Variants in KNG1 observed in about 807,000 individuals in gnomAD.
KNG1 encodes kininogen-1.
KNG1 carries 23 observed loss-of-function variants against 47.8 expected under a neutral mutation model. The observed-to-expected ratio is 0.48, with a 90% CI of 0.35 to 0.68. The LOEUF (loss-of-function observed/expected upper bound fraction) is 0.68, where lower values mean the gene tolerates loss of function less well. Among genes scored for constraint, KNG1 ranks in the 30% least tolerant of loss-of-function variants. KNG1 has a pLI of 0.01. For synonymous variants in KNG1, 277 were observed against 277.0 expected (o/e 1.00, Z 0.00); for missense variants, 762 against 790.2 (o/e 0.96, Z 0.43).
At position 186,741,811 on chromosome 3, in the gene KNG1, G is replaced by C; in HGVS notation, c.1415G>C (p.Gly472Ala). The C allele has an allele frequency of 1.2e-6, 2 of 1,613,936 alleles. No homozygotes were observed. The highest frequency in any genetic ancestry group is 2.2e-5 in the South Asian group (2 of 91,048). Reference protein sequence around the residue: ...GHGHEQQHGLGHGHKFKLDDD... With the variant: ...GHGHEQQHGLAHGHKFKLDDD... Reference sequence around the variant, plus strand: ...GGACACGAACAACAGCATGGTCTTGGTCATGGACATAAGTTCAAACTTGAT... The same window carrying C: ...GGACACGAACAACAGCATGGTCTTGCTCATGGACATAAGTTCAAACTTGAT... The change falls in exon 10 of 10, where the codon GGT becomes GCT. Residue 472 changes from glycine (G) to alanine (A), a missense_variant. Coordinates refer to ENST00000644859, the MANE Select transcript of KNG1 (RefSeq NM_001102416.3).
At chr3:186,727,924 T>C (rs1323314944) in intron 5 of KNG1, among the ~76,000 whole-genome samples, 2 of 152,214 alleles carry the variant, frequency 1.3e-5, no homozygotes, top group African/African-American at 2.4e-5. Context: ...ATAAAATGCT[T>C]GAACGGTCAA....
Position 186,742,887 on chromosome 3 carries a change from GAAAAAAAGAA to G in KNG1, c.*568_*577del. The G allele has an allele frequency of 1.0e-6, 1 of 966,706 alleles. No individual in the cohort carries two copies. Among genetic ancestry groups the G allele is most frequent in the Non-Finnish European group, 1.2e-6 (1 of 814,744 alleles). The allele number at this position is 966,706 out of a possible 1,614,324, so 59.9% of individuals were successfully genotyped here. On this transcript the variant is annotated 3_prime_UTR_variant, in exon 10 of 10. Transcript: ENST00000644859. ...GGCATCAGAGCAAGATTCTGTCTCA[GAAAAAAAGAA>G]AAAAAAAGAAATAATAAGAAAAACT...
At chr3:186,729,529 A>G (rs886318829) in intron 5 of KNG1, among the ~76,000 whole-genome samples, 2 of 152,218 alleles carry the variant, frequency 1.3e-5, no homozygotes, top group African/African-American at 4.8e-5. Context: ...ACATGCTACA[A>G]TGTGGATGAA....
chr3:186,726,767 T>A (rs2108625085), intron 4 of KNG1, among the ~76,000 whole-genome samples: 3 of 152,314 alleles, frequency 2.0e-5, no homozygotes, highest in Middle Eastern at 6.8e-3. Context: ...AGGCCCAGAA[T>A]AAAGTAGAAG....
intron 3 of KNG1, among the ~76,000 whole-genome samples, chr3:186,724,845 C>G (rs552496994): frequency 6.6e-6 from 1 of 151,980 alleles, no homozygotes; most frequent in East Asian, 1.9e-4. Flanking sequence ...GGGACTATCA[C>G]ATTCAGCTAA....
chr3:186,739,256 T>C, intron 8 of KNG1, 50 bp downstream of exon 8: 2 of 1,583,954 alleles, frequency 1.3e-6, no homozygotes, highest in Non-Finnish European at 1.7e-6. Context: ...CTATTTGATG[T>C]TTTTAGAATC....
Position 186,742,646 on chromosome 3 carries a change from CAT to C in KNG1, c.*318_*319del, listed in dbSNP as rs1720846817. The C allele has an allele frequency of 1.8e-6, 2 of 1,127,898 alleles. No homozygotes were observed. Among genetic ancestry groups the C allele is most frequent in the African/African-American group, 3.2e-5 (2 of 61,960 alleles). 69.9% of individuals were successfully genotyped at this position (1,127,898 alleles called of 1,614,324 possible). On this transcript the variant is annotated 3_prime_UTR_variant, in exon 10 of 10. Coordinates refer to ENST00000644859, the MANE Select transcript of KNG1 (RefSeq NM_001102416.3). ...CTGATAACAAATATGTACCTTACAA[CAT>C]ATGTCATGAATTTGCATACAAAGAT...
intron 7 of KNG1, among the ~76,000 whole-genome samples, chr3:186,737,660 G>A (rs1414490891): frequency 2.6e-5 from 4 of 151,602 alleles, no homozygotes; most frequent in Admixed American, 2.0e-4. Flanking sequence ...AGGTTCAAGC[G>A]ATTCTCCTGC....
Position 186,731,597 on chromosome 3 carries a change from C to G in KNG1, c.725C>G (p.Ala242Gly). ...NAYIDIQLRI[A>G]SFSQNCDIYP... ...TACATCGATATTCAGCTACGAATTG[C>G]TTCCTTCTCACAGAACTGTGACATT... Residue 242 changes from alanine (A) to glycine (G), a missense_variant, in exon 6 of 10, where the codon GCT becomes GGT. Ala to Gly is a moderately conservative substitution (Grantham distance 60). Coordinates refer to ENST00000644859, the MANE Select transcript of KNG1 (RefSeq NM_001102416.3). The G allele has an allele frequency of 6.2e-7, 1 of 1,609,642 alleles. No homozygotes were observed. The highest frequency in any genetic ancestry group is 8.5e-7 in the Non-Finnish European group (1 of 1,175,916).
rs1401295926 is a variant in KNG1 at position 186,741,598 on chromosome 3, C to T, written c.1202C>T (p.Thr401Ile). The T allele has an allele frequency of 3.1e-6, 5 of 1,610,872 alleles. No individual in the cohort carries two copies. The highest frequency in any genetic ancestry group is 3.4e-6 in the Non-Finnish European group (4 of 1,179,254). ...SRIGEIKEET[T>I]VSPPHTSMAP... is the part of the protein sequence containing the mutation. ...ATAGGGGAAATAAAAGAAGAAACAACTGTAAGTCCACCCCACACTTCCATG... is the reference window on the plus strand; with the variant it reads ...ATAGGGGAAATAAAAGAAGAAACAATTGTAAGTCCACCCCACACTTCCATG... Residue 401 changes from threonine (T) to isoleucine (I), a missense_variant, in exon 10 of 10, where the codon ACT (threonine) becomes ATT (isoleucine). By Grantham distance (89) the Thr-to-Ile change is moderately conservative. Transcript: ENST00000644859.
intron 1 of KNG1, chr3:186,718,470 T>C (rs1047849142): frequency 6.9e-6 from 1 of 145,434 alleles, no homozygotes; most frequent in Non-Finnish European, 1.5e-5. Context: ...AGCTTACAAC[T>C]TGTGGAAAGA....
At chr3:186,728,074 C>A (rs1418944586) in intron 5 of KNG1, among the ~76,000 whole-genome samples, 1 of 152,178 alleles carries the variant, frequency 6.6e-6, no homozygotes, top group Non-Finnish European at 1.5e-5. Context: ...ATCTTCCCTT[C>A]CCTACCTTTA....
chr3:186,739,500 A>C, intron 9 of KNG1, 86 bp downstream of exon 9: 1 of 894,340 alleles, frequency 1.1e-6, no homozygotes, highest in Non-Finnish European at 1.9e-6. Context: ...ACCATTACTG[A>C]AATGAATTGG....
intron 5 of KNG1, among the ~76,000 whole-genome samples, chr3:186,729,364 G>C (rs569760823): frequency 6.6e-6 from 1 of 152,294 alleles, no homozygotes; most frequent in South Asian, 2.1e-4. Context: ...TCAAACACGT[G>C]TTTATACATG....
chr3:186,727,305 T>A lies in KNG1; in HGVS notation c.633T>A (p.Phe211Leu). The A allele has an allele frequency of 6.2e-7, 1 of 1,613,884 alleles. No individual in the cohort carries two copies. Among genetic ancestry groups the A allele is most frequent in the Non-Finnish European group, 8.5e-7 (1 of 1,179,766 alleles). ...IVQTNCSKEN[F>L]LFLTPDCKSL... ...AAACGAATTGTTCCAAAGAGAATTTTCTGTTCTTAACTCCAGACTGCAAGT... is the reference window on the plus strand; with the variant it reads ...AAACGAATTGTTCCAAAGAGAATTTACTGTTCTTAACTCCAGACTGCAAGT... The change falls in exon 5 of 10, where the codon TTT becomes TTA. Residue 211 changes from phenylalanine to leucine, a missense_variant. Coordinates refer to ENST00000644859, the MANE Select transcript of KNG1 (RefSeq NM_001102416.3).
At chr3:186,738,116 T>C (rs951819175) in intron 7 of KNG1, among the ~76,000 whole-genome samples, 7 of 152,016 alleles carry the variant, frequency 4.6e-5, no homozygotes, top group Admixed American at 1.3e-4. Flanking sequence ...GCTGTCAAAT[T>C]ACAGGTGTGC....
chr3:186,734,110 G>A (rs1720611202), intron 7 of KNG1, among the ~76,000 whole-genome samples: 2 of 152,182 alleles, frequency 1.3e-5, no homozygotes, highest in South Asian at 2.1e-4. Flanking sequence ...GAGCCAAATT[G>A]TTACAGCAAG....
Position 186,717,485 on chromosome 3 carries a change from T to G in KNG1, c.-58T>G, listed in dbSNP as rs552417568. On this transcript the variant is annotated 5_prime_UTR_variant, in exon 1 of 10. Transcript: ENST00000644859. ...GAGATTGTCAAATTCAGTATCCCAG[T>G]TGGCTCTTGATTCTTGGTGAAACCA... is the stretch of plus-strand genomic sequence containing the variant. The G allele has an allele frequency of 2.5e-5, 32 of 1,257,838 alleles. No individual in the cohort carries two copies. Among genetic ancestry groups the G allele is most frequent in the African/African-American group, 1.2e-4 (8 of 67,366 alleles). 77.9% of individuals were successfully genotyped at this position (1,257,838 alleles called of 1,614,324 possible). A position where few individuals can be genotyped will look rare whatever the true frequency, so the allele number is the denominator to read the frequency against.
At chr3:186,724,550 G>A (rs575312578) in intron 3 of KNG1, among the ~76,000 whole-genome samples, 26 of 152,118 alleles carry the variant, frequency 1.7e-4, no homozygotes, top group Non-Finnish European at 4.4e-5. Context: ...TTTGTATGTC[G>A]TCTTTTGAGA....
Sources: allele counts gnomAD v4.1 joint callset (sites outside exome capture counted in the v4.1 genomes callset), GRCh38; gene constraint gnomAD v4.1.1; transcripts MANE v1.5; gene names NCBI Gene and HGNC (gene_info 2026-07-23, HGNC 2026-07-21).